UBE2E2: variants seen among roughly 807,000 people sequenced by gnomAD.
UBE2E2 encodes the protein ubiquitin-conjugating enzyme E2 E2.
UBE2E2 carries 6 observed loss-of-function variants against 24.7 expected under a neutral mutation model. The observed-to-expected ratio is 0.24, with a 90% CI of 0.13 to 0.48. The LOEUF (loss-of-function observed/expected upper bound fraction) is 0.48, where lower values mean the gene tolerates loss of function less well. UBE2E2 is among the 20% of genes least tolerant of loss of function. The pLI, the probability that UBE2E2 is intolerant of heterozygous loss-of-function variation, is 0.99. For missense variants in UBE2E2, 169 were observed against 245.0 expected, an observed-to-expected ratio of 0.69 and a Z score of 2.07; for synonymous variants, 104 against 83.6, an observed-to-expected ratio of 1.24 and a Z score of -1.33.
intron 3 of UBE2E2, among the ~76,000 whole-genome samples, chr3:23,414,713 C>T (rs778507839): frequency 2.0e-5 from 3 of 152,068 alleles, no homozygotes; most frequent in Non-Finnish European, 4.4e-5. Context: ...AGAGGTGAGG[C>T]CTTTACAAAG....
rs529963871 is a variant in UBE2E2, at chr3:23,474,083, T to G, written c.228-25525T>G. ...ACATATATATATTTTTTTATTTTTT[T>G]GCGGGAGTAAGATGGTATCGCATTG... On this transcript the variant is annotated intron_variant, in intron 3 of 5. Transcript: ENST00000396703. The surrounding 1 kb of genome is among the most constrained non-coding windows in gnomAD (Gnocchi z 4.0). Among the ~76,000 whole-genome samples, 1 of 152,104 alleles carries G rather than the reference T, an allele frequency of 6.6e-6. No individual in the cohort carries two copies. Among genetic ancestry groups the G allele is most frequent in the East Asian group, 1.9e-4 (1 of 5,178 alleles).
intron 5 of UBE2E2, chr3:23,534,153 G>T (rs1379997019): frequency 3.0e-4 from 233 of 767,760 alleles, no homozygotes; most frequent in Non-Finnish European, 3.4e-4. Context: ...TTTTTTTGAG[G>T]TGATTTCGAA....
At chr3:23,320,656 C>T (rs1418248177) in intron 3 of UBE2E2, among the ~76,000 whole-genome samples, 1 of 152,154 alleles carries the variant, frequency 6.6e-6, no homozygotes, top group African/African-American at 2.4e-5. Flanking sequence ...TGGGTTCAGC[C>T]AAGGGCTTGT....
chr3:23,329,563 A>C (rs778725501), intron 3 of UBE2E2, among the ~76,000 whole-genome samples: 3 of 152,262 alleles, frequency 2.0e-5, no homozygotes. Context: ...AATTTTCTCA[A>C]TATTATTGTT....
intron 3 of UBE2E2, among the ~76,000 whole-genome samples, chr3:23,386,363 A>G (rs1464616933): frequency 6.6e-6 from 1 of 152,132 alleles, no homozygotes; most frequent in Non-Finnish European, 1.5e-5. Flanking sequence ...TCCTGACCTC[A>G]TTACCTCCCA....
chr3:23,586,342 T>C (rs1479469794), intron 5 of UBE2E2, among the ~76,000 whole-genome samples: 1 of 152,192 alleles, frequency 6.6e-6, no homozygotes, highest in East Asian at 1.9e-4. Flanking sequence ...TCACCCAGGC[T>C]GGAGTGTGGT....
intron 4 of UBE2E2, among the ~76,000 whole-genome samples, chr3:23,503,446 C>T (rs146435422): frequency 2.6e-5 from 4 of 152,164 alleles, no homozygotes; most frequent in East Asian, 3.9e-4. Context: ...CTGCTTCAGC[C>T]TCCCAAGGTG....
At chr3:23,485,610 A>T (rs1009034721) in intron 3 of UBE2E2, among the ~76,000 whole-genome samples, 58 of 152,006 alleles carry the variant, frequency 3.8e-4, no homozygotes, top group African/African-American at 1.4e-3. Flanking sequence ...AGGTGAGAGG[A>T]TTAATTGTAA....
chr3:23,395,884 A>C (rs756172280), intron 3 of UBE2E2, among the ~76,000 whole-genome samples: 18 of 152,334 alleles, frequency 1.2e-4, no homozygotes, highest in Non-Finnish European at 1.9e-4. Flanking sequence ...ATTTGATTAT[A>C]GCTTCACTAA....
intron 5 of UBE2E2, among the ~76,000 whole-genome samples, chr3:23,561,335 T>C (rs1347670406): frequency 6.6e-6 from 1 of 152,246 alleles, no homozygotes; most frequent in Non-Finnish European, 1.5e-5. Flanking sequence ...GGGAATCCTT[T>C]CCCCATTTCT....
chr3:23,587,560 C>T (rs916211841), intron 5 of UBE2E2, among the ~76,000 whole-genome samples: 12 of 152,286 alleles, frequency 7.9e-5, no homozygotes, highest in South Asian at 2.1e-4. Context: ...AGGATGCCCA[C>T]GTTTCACCCT....
At chr3:23,299,806 G>A (rs950364591) in intron 3 of UBE2E2, among the ~76,000 whole-genome samples, 1 of 152,116 alleles carries the variant, frequency 6.6e-6, no homozygotes, top group African/African-American at 2.4e-5. Flanking sequence ...AGGTCCACTT[G>A]GTGCAGAGCT....
At chr3:23,498,691 C>A (rs972055519) in intron 3 of UBE2E2, among the ~76,000 whole-genome samples, 1 of 152,110 alleles carries the variant, frequency 6.6e-6, no homozygotes, top group Non-Finnish European at 1.5e-5. Flanking sequence ...TTTAAAAATA[C>A]ATTTTCTAGG....
chr3:23,563,663 G>C (rs1559423160), intron 5 of UBE2E2, among the ~76,000 whole-genome samples: 2 of 152,080 alleles, frequency 1.3e-5, no homozygotes, highest in Admixed American at 1.3e-4. Context: ...TTGTTTATCT[G>C]TATTGCATCC....
chr3:23,422,617 C>T (rs1174895082), intron 3 of UBE2E2, among the ~76,000 whole-genome samples: 3 of 152,318 alleles, frequency 2.0e-5, no homozygotes, highest in South Asian at 2.1e-4. Context: ...TTTGAAGAAA[C>T]CAGAGAGCTG....
At chr3:23,357,054 A>G (rs1427307548) in intron 3 of UBE2E2, among the ~76,000 whole-genome samples, 1 of 152,212 alleles carries the variant, frequency 6.6e-6, no homozygotes, top group East Asian at 1.9e-4. Context: ...GATTCTGTAG[A>G]AAGTCTCACA....
At chr3:23,222,119 G>A (rs955254523) in intron 3 of UBE2E2, among the ~76,000 whole-genome samples, 1 of 152,046 alleles carries the variant, frequency 6.6e-6, no homozygotes, top group Non-Finnish European at 1.5e-5. Context: ...TCTCTGCTGG[G>A]CTTATTTCAC....
At position 23,425,340 on chromosome 3, in the gene UBE2E2, C is replaced by G. The variant is rs142929607; in HGVS notation, c.228-74268C>G. 8.2e-3 allele frequency among the ~76,000 whole-genome samples: 1,243 copies of G among 152,244 alleles called. 16 individuals carry two copies. Among genetic ancestry groups the G allele is most frequent in the African/African-American group, 0.027 (1,141 of 41,542 alleles). On this transcript the variant is annotated intron_variant, in intron 3 of 5. Transcript: ENST00000396703. ...CATTTAACTTTCTTCTCTTCCTGCT[C>G]TCTTGTCTTTTAAAGGGGGAAGCTC...
intron 4 of UBE2E2, among the ~76,000 whole-genome samples, chr3:23,511,578 A>G (rs772277992): frequency 6.6e-6 from 1 of 152,190 alleles, no homozygotes; most frequent in Non-Finnish European, 1.5e-5. Flanking sequence ...AGATAGAATA[A>G]ATGATCTCAC....
Sources: allele counts gnomAD v4.1 joint callset (sites outside exome capture counted in the v4.1 genomes callset), GRCh38; gene constraint gnomAD v4.1.1; non-coding constraint Gnocchi (gnomAD v3.1); transcripts MANE v1.5; gene names NCBI Gene and HGNC (gene_info 2026-07-23, HGNC 2026-07-21).